EPHB1: variants seen among roughly 807,000 people sequenced by gnomAD.
EPHB1 encodes ephrin type-B receptor 1.
In EPHB1, 30 loss-of-function variants were observed where a neutral mutation model predicts 94.4. That is an observed-to-expected ratio of 0.32 (90% CI 0.24 to 0.43). The LOEUF is 0.43. EPHB1 is among the 20% of genes least tolerant of loss of function. The pLI is 1.00. For missense variants in EPHB1, 1,055 were observed against 1,308.3 expected (o/e 0.81, Z 2.99); for synonymous variants, 522 against 489.1 (o/e 1.07, Z -0.89).
At chr3:134,873,267 T>C (rs908864045) in intron 1 of EPHB1, among the ~76,000 whole-genome samples, 7 of 152,192 alleles carry the variant, frequency 4.6e-5, no homozygotes, top group African/African-American at 1.4e-4. Flanking sequence ...CTGATTCCCT[T>C]GTGCTTGTGG....
intron 3 of EPHB1, among the ~76,000 whole-genome samples, chr3:135,074,317 G>A (rs1204024702): frequency 2.0e-5 from 3 of 152,108 alleles, no homozygotes; most frequent in Non-Finnish European, 4.4e-5. Flanking sequence ...TTCAATCAAT[G>A]GATATTTGTT....
intron 1 of EPHB1, among the ~76,000 whole-genome samples, chr3:134,836,577 A>G (rs2036676998): frequency 6.6e-6 from 1 of 152,220 alleles, no homozygotes; most frequent in Admixed American, 6.5e-5. Flanking sequence ...TAACAGAAAT[A>G]ATAGACACTT....
At chr3:135,256,291 TTGA>T (rs1933383123) in intron 15 of EPHB1, among the ~76,000 whole-genome samples, 1 of 152,218 alleles carries the variant, frequency 6.6e-6, no homozygotes, top group East Asian at 1.9e-4. Flanking sequence ...TGCTTGTTAG[TTGA>T]TGCAGTTTCT....
intron 1 of EPHB1, among the ~76,000 whole-genome samples, chr3:134,909,392 T>G (rs529647841): frequency 1.3e-5 from 2 of 152,340 alleles, no homozygotes; most frequent in Non-Finnish European, 2.9e-5. Flanking sequence ...GGAGACTGCG[T>G]GACCACCTGG....
chr3:134,910,826 G>A (rs1163714025), intron 1 of EPHB1, among the ~76,000 whole-genome samples: 1 of 152,128 alleles, frequency 6.6e-6, no homozygotes, highest in Admixed American at 6.5e-5. Context: ...TCATGGGTCG[G>A]CCCTTGGTGG....
chr3:134,941,829 A>C (rs1254814196), intron 2 of EPHB1, among the ~76,000 whole-genome samples: 1 of 151,048 alleles, frequency 6.6e-6, no homozygotes, highest in Non-Finnish European at 1.5e-5. Context: ...GTCAATATGC[A>C]CTGTCCAAAT....
intron 3 of EPHB1, among the ~76,000 whole-genome samples, chr3:135,042,004 G>A (rs1936861418): frequency 6.6e-6 from 1 of 152,196 alleles, no homozygotes; most frequent in South Asian, 2.1e-4. Flanking sequence ...GCATGACCAT[G>A]GCTCACTGCA....
chr3:134,875,830 G>T (rs2037605500), intron 1 of EPHB1, among the ~76,000 whole-genome samples: 1 of 152,036 alleles, frequency 6.6e-6, no homozygotes, highest in South Asian at 2.1e-4. Context: ...GTGGCCACAG[G>T]GCCTCTTTTG....
intron 12 of EPHB1, among the ~76,000 whole-genome samples, chr3:135,226,791 C>T (rs1576482855): frequency 6.6e-6 from 1 of 151,288 alleles, no homozygotes; most frequent in Non-Finnish European, 1.5e-5. Context: ...GTTATTATGG[C>T]TTTATTTAAA....
chr3:135,051,134 G>A (rs565892128), intron 3 of EPHB1, among the ~76,000 whole-genome samples: 1 of 152,190 alleles, frequency 6.6e-6, no homozygotes, highest in Non-Finnish European at 1.5e-5. Context: ...CATTTCGTGA[G>A]TATTTGCCTC....
At chr3:135,066,338 T>C (rs1008472720) in intron 3 of EPHB1, among the ~76,000 whole-genome samples, 1 of 152,236 alleles carries the variant, frequency 6.6e-6, no homozygotes, top group South Asian at 2.1e-4. Context: ...ACACCAATTA[T>C]TCTCAGGTTT....
chr3:135,084,499 G>A (rs915890234), intron 3 of EPHB1, among the ~76,000 whole-genome samples: 2 of 152,318 alleles, frequency 1.3e-5, no homozygotes, highest in East Asian at 3.9e-4. Context: ...CTTAACGGAG[G>A]TGTGCGCTGA....
chr3:135,181,422 A>G (rs1942148590), intron 10 of EPHB1, among the ~76,000 whole-genome samples: 2 of 152,200 alleles, frequency 1.3e-5, no homozygotes. Context: ...ATGCTGACAT[A>G]TTTAAGGATC....
chr3:134,838,652 A>G (rs2036723064), intron 1 of EPHB1, among the ~76,000 whole-genome samples: 2 of 152,196 alleles, frequency 1.3e-5, no homozygotes, highest in Admixed American at 6.5e-5. Flanking sequence ...TCCTTCACTT[A>G]ATAGAATATT....
At chr3:134,820,571 T>C (rs936330388) in intron 1 of EPHB1, among the ~76,000 whole-genome samples, 1 of 152,210 alleles carries the variant, frequency 6.6e-6, no homozygotes, top group Non-Finnish European at 1.5e-5. Flanking sequence ...ACTATTAATA[T>C]TATTCCATGC....
chr3:135,235,329 T>A (rs1433297105), intron 12 of EPHB1, among the ~76,000 whole-genome samples: 1 of 152,204 alleles, frequency 6.6e-6, no homozygotes, highest in Non-Finnish European at 1.5e-5. Flanking sequence ...CCAGCAGTTC[T>A]CAAAGTGGGA....
chr3:134,964,809 G>A (rs1184417872), intron 3 of EPHB1, among the ~76,000 whole-genome samples: 1 of 152,010 alleles, frequency 6.6e-6, no homozygotes, highest in Non-Finnish European at 1.5e-5. Context: ...CTCTAGACTT[G>A]TTTCGAAAAG....
At chr3:135,050,344 G>T (rs910169635) in intron 3 of EPHB1, among the ~76,000 whole-genome samples, 1 of 152,064 alleles carries the variant, frequency 6.6e-6, no homozygotes, top group Non-Finnish European at 1.5e-5. Context: ...TGCCCCAAAT[G>T]GTAAGGACAT....
chr3:134,971,912 G>A (rs1933983973), intron 3 of EPHB1, among the ~76,000 whole-genome samples: 2 of 152,114 alleles, frequency 1.3e-5, no homozygotes, highest in Admixed American at 6.5e-5. Context: ...AATGGGAGGA[G>A]CTGCTGATTT....
Sources: gnomAD v4.1 joint callset for allele counts (sites outside exome capture counted in the v4.1 genomes callset) on GRCh38, gnomAD v4.1.1 for gene constraint, MANE v1.5 for transcripts, NCBI Gene and HGNC (gene_info 2026-07-23, HGNC 2026-07-21) for gene names.